ZSWIM6: variants seen among roughly 807,000 people sequenced by gnomAD.
ZSWIM6 encodes zinc finger SWIM domain-containing protein 6.
In ZSWIM6, 9 loss-of-function variants were observed where a neutral mutation model predicts 113.2. That is an observed-to-expected ratio of 0.08 (90% CI 0.05 to 0.14). ZSWIM6 has a LOEUF of 0.14. ZSWIM6 is among the 10% of genes least tolerant of loss of function. ZSWIM6 has a pLI of 1.00. For missense variants in ZSWIM6, 1,162 were observed against 1,552.2 expected (o/e 0.75, Z 4.22); for synonymous variants, 611 against 606.5 (o/e 1.01, Z -0.11).
chr5:61,539,417 C>T (rs1052316400), intron 11 of ZSWIM6, among the ~76,000 whole-genome samples, 179 bp from the exon 12 acceptor site: 2 of 152,030 alleles, frequency 1.3e-5, no homozygotes, highest in African/African-American at 2.4e-5. Flanking sequence ...TTATGGGAGC[C>T]CTAGTTGTAA....
At chr5:61,395,104 A>G (rs984342017) in intron 1 of ZSWIM6, among the ~76,000 whole-genome samples, 10 of 152,242 alleles carry the variant, frequency 6.6e-5, no homozygotes, top group African/African-American at 2.4e-4. Flanking sequence ...GTTAAGCATT[A>G]GTACCAAAGG....
intron 1 of ZSWIM6, among the ~76,000 whole-genome samples, chr5:61,433,634 G>T (rs551259746): frequency 6.6e-6 from 1 of 151,884 alleles, no homozygotes; most frequent in Non-Finnish European, 1.5e-5. Context: ...CACCATGCCC[G>T]GCTAATTTTT....
At chr5:61,360,343 T>C (rs894889057) in intron 1 of ZSWIM6, among the ~76,000 whole-genome samples, 4 of 152,238 alleles carry the variant, frequency 2.6e-5, no homozygotes, top group Non-Finnish European at 4.4e-5. Flanking sequence ...ATATAGTTTA[T>C]AGACTTCTAG....
intron 4 of ZSWIM6, among the ~76,000 whole-genome samples, chr5:61,512,512 A>G (rs1047054360): frequency 5.3e-5 from 8 of 152,106 alleles, no homozygotes; most frequent in African/African-American, 1.9e-4. Context: ...ATATGGTCAA[A>G]ATACATTTAA....
intron 1 of ZSWIM6, among the ~76,000 whole-genome samples, chr5:61,361,097 G>A (rs894029630): frequency 2.0e-5 from 3 of 152,144 alleles, no homozygotes; most frequent in African/African-American, 7.2e-5. Flanking sequence ...TCACAGAGGA[G>A]TGGGAGTAGG....
intron 1 of ZSWIM6, among the ~76,000 whole-genome samples, chr5:61,366,020 C>T (rs1289735384): frequency 6.6e-6 from 1 of 151,972 alleles, no homozygotes; most frequent in Non-Finnish European, 1.5e-5. Flanking sequence ...ATCCTCCCAC[C>T]AGTAGCTGGG....
At chr5:61,493,625 T>C (rs1356949098) in intron 3 of ZSWIM6, among the ~76,000 whole-genome samples, 1 of 152,144 alleles carries the variant, frequency 6.6e-6, no homozygotes, top group East Asian at 1.9e-4. Context: ...TGTTTTGATA[T>C]TGTATTTCTT....
intron 1 of ZSWIM6, among the ~76,000 whole-genome samples, chr5:61,342,529 G>T (rs1465283176): frequency 6.6e-6 from 1 of 152,158 alleles, no homozygotes; most frequent in Non-Finnish European, 1.5e-5. Flanking sequence ...GACACATGCA[G>T]CCTCTTTGGT....
intron 5 of ZSWIM6, among the ~76,000 whole-genome samples, chr5:61,525,431 G>A (rs1749249451): frequency 6.6e-6 from 1 of 152,164 alleles, no homozygotes; most frequent in South Asian, 2.1e-4. Context: ...CATAAGGGCA[G>A]CCCACCACAG....
At chr5:61,361,593 A>G (rs1363059746) in intron 1 of ZSWIM6, among the ~76,000 whole-genome samples, 2 of 152,230 alleles carry the variant, frequency 1.3e-5, no homozygotes, top group Admixed American at 6.5e-5. Context: ...TATGAACTAG[A>G]CAAAGACATT....
At chr5:61,509,253 T>C (rs143616139) in intron 4 of ZSWIM6, among the ~76,000 whole-genome samples, 2,493 of 152,258 alleles carry the variant, frequency 0.016, 27 homozygotes, top group Non-Finnish European at 0.026. Context: ...AACTCTTATG[T>C]AAGATTTCAC....
intron 9 of ZSWIM6, among the ~76,000 whole-genome samples, chr5:61,533,734 T>A (rs1449937267): frequency 6.6e-6 from 1 of 152,190 alleles, no homozygotes; most frequent in African/African-American, 2.4e-5. Flanking sequence ...ATCTATAGAT[T>A]TGCTATAATT....
intron 2 of ZSWIM6, among the ~76,000 whole-genome samples, chr5:61,475,614 T>G (rs1747692006): frequency 6.6e-6 from 1 of 152,164 alleles, no homozygotes; most frequent in Admixed American, 6.5e-5. Context: ...ATCATCAAAT[T>G]TGCTCCCAGC....
At chr5:61,528,582 G>A (rs561260472) in intron 7 of ZSWIM6, among the ~76,000 whole-genome samples, 12 of 150,252 alleles carry the variant, frequency 8.0e-5, no homozygotes, top group East Asian at 5.9e-4. Context: ...GTGCCAAACC[G>A]TTTTTCCTCT....
chr5:61,426,013 A>G (rs1364080335), intron 1 of ZSWIM6, among the ~76,000 whole-genome samples: 3 of 152,202 alleles, frequency 2.0e-5, no homozygotes, highest in African/African-American at 7.2e-5. Flanking sequence ...TTATTATACA[A>G]TAACAAAATG....
chr5:61,539,756 G>A lies in ZSWIM6; in HGVS notation c.2700G>A (p.Leu900=). 6.4e-7 allele frequency: 1 copy of A among 1,550,628 alleles called. No homozygotes were observed. Among genetic ancestry groups the A allele is most frequent in the Non-Finnish European group, 8.7e-7 (1 of 1,146,400 alleles). The change falls in exon 12 of 14, where the codon CTG becomes CTA. Residue 900 remains leucine (L), a synonymous_variant. Transcript: ENST00000252744. ...TGAAAGTGTCTCTGGAGCTGGGCCT[G>A]CAGGTACATGACTGGTAGTCTTTCC... The part of the protein sequence containing the change: ...TLLKVSLELG[L]QVMRMTLSTL...
chr5:61,332,544 TC>T lies in ZSWIM6; in HGVS notation c.274del (p.Gln92SerfsTer18). 7.4e-7 allele frequency: 1 copy of T among 1,352,126 alleles called. No individual in the cohort carries two copies. Among genetic ancestry groups the T allele is most frequent in the African/African-American group, 1.6e-5 (1 of 64,052 alleles). 83.8% of individuals were successfully genotyped at this position (1,352,126 alleles called of 1,614,324 possible). On this transcript the variant is annotated frameshift_variant, in exon 1 of 14. Transcript: ENST00000252744. LOFTEE classifies it high-confidence loss of function. ...AARRVAEKWP[F>X]QRVEERFERI... ...CGCAGGGTGGCGGAGAAGTGGCCGT[TC>T]CAGCGCGTGGAGGAGCGCTTTGAGC... is the stretch of plus-strand genomic sequence containing the variant.
At chr5:61,431,308 G>GGTT (rs1746574127) in intron 1 of ZSWIM6, among the ~76,000 whole-genome samples, 1 of 145,854 alleles carries the variant, frequency 6.9e-6, no homozygotes, top group Admixed American at 7.1e-5. Context: ...GGGAGGCAGA[G>GGTT]GTTGCAGTGA....
chr5:61,514,812 G>A (rs1748886907), intron 4 of ZSWIM6, among the ~76,000 whole-genome samples: 1 of 152,004 alleles, frequency 6.6e-6, no homozygotes, highest in Admixed American at 6.6e-5. Flanking sequence ...GCTCATGAGG[G>A]ATATTGATCT....
Sources: allele counts gnomAD v4.1 joint callset (sites outside exome capture counted in the v4.1 genomes callset), GRCh38; gene constraint gnomAD v4.1.1; transcripts MANE v1.5; gene names NCBI Gene and HGNC (gene_info 2026-07-23, HGNC 2026-07-21).